The following PEMT variants were observed in gnomAD, a reference collection of about 807,000 sequenced individuals.
PEMT encodes phospholipid methyltransferase.
In PEMT, 23 loss-of-function variants were observed where a neutral mutation model predicts 27.4. That is an observed-to-expected ratio of 0.84 (90% CI 0.60 to 1.19). PEMT has a LOEUF of 1.19. PEMT is among the 50% of genes most tolerant of loss of function. The probability of loss-of-function intolerance (pLI) is 0.00; values close to 1 mark genes in which losing one functional copy is unlikely to be tolerated. For missense variants in PEMT, 307 were observed against 310.1 expected (o/e 0.99, Z 0.07); for synonymous variants, 137 against 139.1 (o/e 0.98, Z 0.11).
At chr17:17,528,801 C>T (rs1403614785) in intron 2 of PEMT, among the ~76,000 whole-genome samples, 2 of 152,206 alleles carry the variant, frequency 1.3e-5, no homozygotes, top group African/African-American at 4.8e-5. Flanking sequence ...CAGGATCCCC[C>T]AGTCCCACTG....
At chr17:17,589,012 G>A (rs529680938) in intron 1 of PEMT, among the ~76,000 whole-genome samples, 5 of 152,380 alleles carry the variant, frequency 3.3e-5, no homozygotes, top group African/African-American at 9.6e-5. Context: ...CCAGGCTGGA[G>A]TGCAATGGCG....
intron 2 of PEMT, among the ~76,000 whole-genome samples, chr17:17,559,088 C>T (rs538871418): frequency 1.1e-3 from 167 of 152,246 alleles, no homozygotes; most frequent in African/African-American, 3.9e-3. Context: ...TTCTTACGCT[C>T]CCCCCCATTT....
In PEMT at chr17:17,506,280, C is replaced by A; in HGVS notation, c.600G>T (p.Leu200=). The A allele has an allele frequency of 1.9e-6, 3 of 1,584,656 alleles. No homozygotes were observed. Among genetic ancestry groups the A allele is most frequent in the Non-Finnish European group, 2.6e-6 (3 of 1,164,744 alleles). ...WAIMHASPTG[L]LLTVLVALTY... ...TGAGGGCCACCAGCACCGTCAGGAG[C>A]AGGCCCGTGGGGCTGGCGTGCCTGA... The change falls in exon 6 of 7, where the codon CTG becomes CTT. Residue 200 remains leucine (L), a synonymous_variant. Transcript: ENST00000255389.
At chr17:17,577,331 G>A (rs186093000) in intron 1 of PEMT, 14 of 498,976 alleles carry the variant, frequency 2.8e-5, no homozygotes, top group East Asian at 5.6e-5. Context: ...TGGTGTGACC[G>A]AGACCCTCCT....
At chr17:17,574,110 C>A (rs764406721) in intron 2 of PEMT, among the ~76,000 whole-genome samples, 6 of 151,982 alleles carry the variant, frequency 3.9e-5, no homozygotes, top group African/African-American at 1.5e-4. Flanking sequence ...CAGCAGCCCA[C>A]GGAACTGCAA....
chr17:17,532,656 C>G (rs1908183472), intron 2 of PEMT, among the ~76,000 whole-genome samples: 1 of 152,200 alleles, frequency 6.6e-6, no homozygotes, highest in Middle Eastern at 3.2e-3. Flanking sequence ...AACTGACAAG[C>G]TGATTCTAAC....
chr17:17,516,685 C>T (rs986058534), intron 3 of PEMT, among the ~76,000 whole-genome samples: 4 of 152,190 alleles, frequency 2.6e-5, no homozygotes, highest in African/African-American at 9.6e-5. Context: ...TTCCCTCCTT[C>T]CCAGCCACAG....
intron 2 of PEMT, chr17:17,570,647 G>T: frequency 1.0e-6 from 1 of 985,438 alleles, no homozygotes; most frequent in Non-Finnish European, 1.2e-6. Flanking sequence ...CCAAGACCTG[G>T]GATGACTGAG....
At chr17:17,509,747 G>A (rs1906211491) in intron 4 of PEMT, among the ~76,000 whole-genome samples, 1 of 152,174 alleles carries the variant, frequency 6.6e-6, no homozygotes, top group African/African-American at 2.4e-5. Flanking sequence ...TGGGGCCTAA[G>A]GACTAAGGTG....
At chr17:17,510,671 G>A (rs962157853) in intron 4 of PEMT, among the ~76,000 whole-genome samples, 2 of 152,204 alleles carry the variant, frequency 1.3e-5, no homozygotes, top group Non-Finnish European at 2.9e-5. Flanking sequence ...CTGGTCCTCG[G>A]TGTTTCTAGG....
At position 17,506,280 on chromosome 17, in the gene PEMT, CA is replaced by C; in HGVS notation, c.599del (p.Leu200ArgfsTer3). 6.3e-7 allele frequency: 1 copy of C among 1,584,656 alleles called. No homozygotes were observed. Among genetic ancestry groups the C allele is most frequent in the South Asian group, 1.2e-5 (1 of 86,876 alleles). On this transcript the variant is annotated frameshift_variant, in exon 6 of 7. Transcript: ENST00000255389. LOFTEE classifies it high-confidence loss of function. ...TGAGGGCCACCAGCACCGTCAGGAGCAGGCCCGTGGGGCTGGCGTGCCTGAA... is the reference window on the plus strand; with the variant it reads ...TGAGGGCCACCAGCACCGTCAGGAGCGGCCCGTGGGGCTGGCGTGCCTGAA... ...WAIMHASPTG[L>X]LLTVLVALTY...
Position 17,512,491 on chromosome 17 carries a change from C to A in PEMT, c.466+18G>T. ...CCAGCGGTCCTGCTCAGGGTCACCC[C>A]AGCCCTCAGGGTCTTACCTAGGAAA... is the stretch of plus-strand genomic sequence containing the variant. On this transcript the variant is annotated intron_variant, in intron 4 of 6. Transcript: ENST00000255389. This position sits in a 1 kb window ranked among gnomAD's most constrained non-coding sequence, Gnocchi z 6.3. 6.4e-7 allele frequency: 1 copy of A among 1,563,844 alleles called. No homozygotes were observed. Among genetic ancestry groups the A allele is most frequent in the Admixed American group, 1.8e-5 (1 of 56,384 alleles).
chr17:17,589,372 T>C (rs545721919), intron 1 of PEMT, among the ~76,000 whole-genome samples: 5 of 152,022 alleles, frequency 3.3e-5, no homozygotes, highest in African/African-American at 1.2e-4. Context: ...AGAGCAGCAC[T>C]GTTTGGTATG....
chr17:17,531,372 C>A (rs1417999249), intron 2 of PEMT, among the ~76,000 whole-genome samples: 3 of 151,640 alleles, frequency 2.0e-5, no homozygotes, highest in African/African-American at 4.8e-5. Flanking sequence ...TGGTCTCAGT[C>A]TGTCTCAGTA....
intron 2 of PEMT, among the ~76,000 whole-genome samples, chr17:17,553,960 CA>C (rs1482912031): frequency 6.6e-6 from 1 of 152,180 alleles, no homozygotes; most frequent in Admixed American, 6.5e-5. Flanking sequence ...CACACCCAGC[CA>C]GGGGTGGGGT....
intron 1 of PEMT, among the ~76,000 whole-genome samples, chr17:17,578,130 A>G (rs1167788519): frequency 6.6e-6 from 1 of 152,114 alleles, no homozygotes; most frequent in Non-Finnish European, 1.5e-5. Flanking sequence ...AGAAATTTCT[A>G]GAAAACAACA....
intron 2 of PEMT, among the ~76,000 whole-genome samples, chr17:17,553,198 G>C (rs767326951): frequency 5.3e-5 from 8 of 152,156 alleles, no homozygotes; most frequent in Admixed American, 1.3e-4. Flanking sequence ...CCAAAGTTTG[G>C]GGCAGGGACA....
intron 5 of PEMT, chr17:17,508,864 C>T: frequency 2.5e-6 from 1 of 401,042 alleles, no homozygotes; most frequent in South Asian, 1.9e-5. Flanking sequence ...ACAGGGAGTT[C>T]TGTCAGCTGC....
chr17:17,574,129 T>C (rs1911404384), intron 2 of PEMT, among the ~76,000 whole-genome samples: 2 of 151,940 alleles, frequency 1.3e-5, no homozygotes, highest in African/African-American at 4.8e-5. Context: ...AACATGTTTC[T>C]TAACTTTTCT....
Sources: gnomAD v4.1 joint callset for allele counts (sites outside exome capture counted in the v4.1 genomes callset) on GRCh38, gnomAD v4.1.1 for gene constraint, Gnocchi (gnomAD v3.1) non-coding constraint, MANE v1.5 for transcripts, NCBI Gene and HGNC (gene_info 2026-07-23, HGNC 2026-07-21) for gene names.